CLIP1: variants seen among roughly 807,000 people sequenced by gnomAD.
CLIP1 encodes CAP-Gly domain containing linker protein 1, also known as CAP-Gly domain-containing linker protein 1.
A neutral mutation model predicts 161.6 loss-of-function variants in CLIP1; 66 were observed. That is an observed-to-expected ratio of 0.41 (90% CI 0.33 to 0.50). The LOEUF is 0.50. Ranked by LOEUF, CLIP1 falls within the 20% of genes least tolerant of loss-of-function variation. CLIP1 has a pLI of 0.27. For missense variants in CLIP1, 1,376 were observed against 1,702.0 expected, an observed-to-expected ratio of 0.81 and a Z score of 3.37; for synonymous variants, 598 against 626.2, an observed-to-expected ratio of 0.96 and a Z score of 0.67.
At chr12:122,334,826 C>T in intron 12 of CLIP1, 121 bp from the exon 13 acceptor site, 2 of 673,314 alleles carry the variant, frequency 3.0e-6, no homozygotes, top group Non-Finnish European at 5.2e-6. Flanking sequence ...TTTATTAAAA[C>T]TAATACACCT....
intron 19 of CLIP1, among the ~76,000 whole-genome samples, chr12:122,314,748 C>T (rs571864128): frequency 2.6e-5 from 4 of 152,254 alleles, no homozygotes; most frequent in Admixed American, 1.3e-4. Flanking sequence ...CAAAATGACT[C>T]GTGTCACCAA....
chr12:122,370,252 C>A (rs1954379646), intron 3 of CLIP1, among the ~76,000 whole-genome samples: 1 of 145,760 alleles, frequency 6.9e-6, no homozygotes, highest in Admixed American at 6.8e-5. Flanking sequence ...GTGAGAAGGA[C>A]AAGAGGTCGG....
rs149528724 is a variant in CLIP1 at position 122,278,541 on chromosome 12, A to AC, written c.3916+250dup. ...CTCCTGCACTGTTATGTACTTTAAG[A>AC]CCCCCCAGTCTGGATGGCAGCAGGC... is the stretch of plus-strand genomic sequence containing the variant. On this transcript the variant is annotated intron_variant, in intron 23 of 25. Transcript: ENST00000620786. The AC allele has an allele frequency of 9.5e-4, 488 of 515,638 alleles. 1 individual carries two copies. Among genetic ancestry groups the AC allele is most frequent in the African/African-American group, 8.4e-3 (437 of 51,826 alleles). 31.9% of individuals were successfully genotyped at this position (515,638 alleles called of 1,614,324 possible). A position where few individuals can be genotyped will look rare whatever the true frequency, so the allele number is the denominator to read the frequency against.
At chr12:122,281,826 G>GA (rs1402185274) in intron 21 of CLIP1, among the ~76,000 whole-genome samples, 1 of 151,866 alleles carries the variant, frequency 6.6e-6, no homozygotes, top group Non-Finnish European at 1.5e-5. Context: ...ACTCAAATTT[G>GA]AAAAAATGTA....
intron 1 of CLIP1, among the ~76,000 whole-genome samples, chr12:122,391,250 T>C (rs1478356996): frequency 2.2e-4 from 34 of 151,306 alleles, no homozygotes; most frequent in Non-Finnish European, 1.5e-5. Context: ...ACCATGTCAC[T>C]GCACTCCAGC....
intron 20 of CLIP1, 91 bp downstream of exon 20, chr12:122,309,671 G>A (rs1327810927): frequency 6.0e-6 from 9 of 1,500,024 alleles, no homozygotes; most frequent in Middle Eastern, 4.8e-4. Context: ...CCACCACACT[G>A]AGCAGACCTC....
chr12:122,391,845 C>T (rs1955675664), intron 1 of CLIP1, among the ~76,000 whole-genome samples: 1 of 152,194 alleles, frequency 6.6e-6, no homozygotes, highest in African/African-American at 2.4e-5. Flanking sequence ...CATTTGAATG[C>T]ACCACCACCA....
chr12:122,289,255 C>G (rs1365146320), intron 20 of CLIP1, among the ~76,000 whole-genome samples: 2 of 151,982 alleles, frequency 1.3e-5, no homozygotes, highest in Non-Finnish European at 2.9e-5. Flanking sequence ...AAGCCCATCT[C>G]TACTAAAAAT....
intron 21 of CLIP1, among the ~76,000 whole-genome samples, chr12:122,287,778 C>G (rs1283036815): frequency 6.6e-6 from 1 of 152,048 alleles, no homozygotes; most frequent in East Asian, 1.9e-4. Flanking sequence ...CCTTTTAAAG[C>G]AAATAGAAAC....
At chr12:122,393,613 T>C (rs1253030747) in intron 1 of CLIP1, among the ~76,000 whole-genome samples, 2 of 152,172 alleles carry the variant, frequency 1.3e-5, no homozygotes, top group Non-Finnish European at 2.9e-5. Flanking sequence ...AGAAAGTGTT[T>C]TAAGAGTCTA....
chr12:122,334,252 C>A (rs749369113), intron 13 of CLIP1, 142 bp from the exon 14 acceptor site: 1 of 633,798 alleles, frequency 1.6e-6, no homozygotes, highest in Non-Finnish European at 2.8e-6. Context: ...TTACAAATCA[C>A]ATGGCTGTGT....
intron 21 of CLIP1, among the ~76,000 whole-genome samples, chr12:122,284,855 A>G (rs1955787494): frequency 6.6e-6 from 1 of 152,218 alleles, no homozygotes; most frequent in African/African-American, 2.4e-5. Flanking sequence ...TGATGATCTG[A>G]GTCTTTAGCC....
At chr12:122,287,139 A>G (rs1177959441) in intron 21 of CLIP1, among the ~76,000 whole-genome samples, 1 of 152,096 alleles carries the variant, frequency 6.6e-6, no homozygotes, top group Non-Finnish European at 1.5e-5. Context: ...GAGCCATTGC[A>G]CTCCAACTGG....
intron 21 of CLIP1, chr12:122,280,011 G>A (rs1955581029): frequency 1.3e-5 from 2 of 152,386 alleles, no homozygotes; most frequent in East Asian, 1.9e-4. Context: ...AGGACACAGT[G>A]AAAACAGCCC....
chr12:122,358,744 T>TA lies in CLIP1; in HGVS notation c.1005+2214dup, dbSNP rs71082973. 8.0e-3 allele frequency among the ~76,000 whole-genome samples: 1,151 copies of TA among 144,200 alleles called. 38 individuals are homozygous for TA. In the East Asian group the frequency reaches 0.1, roughly 13 times the overall value. 94.6% of individuals were successfully genotyped at this position (144,200 alleles called of 152,430 possible). On this transcript the variant is annotated intron_variant, in intron 5 of 25. Transcript: ENST00000620786. ...TATTTCCTCAATAAATAGTTGACTTTAAAAAAAAAAAAAAAAAAGAATGAA... is the reference window on the plus strand; with the variant it reads ...TATTTCCTCAATAAATAGTTGACTTTAAAAAAAAAAAAAAAAAAAGAATGAA...
intron 24 of CLIP1, among the ~76,000 whole-genome samples, chr12:122,276,117 G>A (rs1955416723): frequency 6.6e-6 from 1 of 151,984 alleles, no homozygotes; most frequent in African/African-American, 2.4e-5. Flanking sequence ...AATATATATA[G>A]ATATACACAC....
At chr12:122,344,002 G>T (rs1025562580) in intron 10 of CLIP1, 2 of 152,374 alleles carry the variant, frequency 1.3e-5, no homozygotes, top group Non-Finnish European at 2.9e-5. Flanking sequence ...AGGATCACTT[G>T]TGGCCAGGAG....
chr12:122,414,099 C>T (rs1298896330), intron 1 of CLIP1, among the ~76,000 whole-genome samples: 1 of 152,032 alleles, frequency 6.6e-6, no homozygotes. Flanking sequence ...TTGAATTGTA[C>T]ACTTTAATAT....
chr12:122,371,480 T>A (rs1207132230), intron 3 of CLIP1, among the ~76,000 whole-genome samples: 2 of 152,182 alleles, frequency 1.3e-5, no homozygotes, highest in Non-Finnish European at 2.9e-5. Context: ...AAGCCAACGT[T>A]GCAGGCAGAC....
Sources: gnomAD v4.1 joint callset for allele counts (sites outside exome capture counted in the v4.1 genomes callset) on GRCh38, gnomAD v4.1.1 for gene constraint, MANE v1.5 for transcripts, NCBI Gene and HGNC (gene_info 2026-07-23, HGNC 2026-07-21) for gene names.